The following CTNNA2 variants were observed in gnomAD, a reference collection of about 807,000 sequenced individuals.
CTNNA2 encodes the protein catenin alpha 2.
Under a neutral mutation model 101.0 loss-of-function variants are expected in CTNNA2, and 42 were observed. That is an observed-to-expected ratio of 0.42 (90% CI 0.32 to 0.54). The LOEUF (loss-of-function observed/expected upper bound fraction) is 0.54, where lower values mean the gene tolerates loss of function less well. Among genes scored for constraint, CTNNA2 ranks in the 20% least tolerant of loss-of-function variants. The pLI is 0.14. For synonymous variants in CTNNA2, 450 were observed against 456.4 expected, an observed-to-expected ratio of 0.99 and a Z score of 0.18; for missense variants, 871 against 1,223.1, an observed-to-expected ratio of 0.71 and a Z score of 4.29.
intron 7 of CTNNA2, among the ~76,000 whole-genome samples, chr2:79,942,895 T>G (rs1358064476): frequency 6.6e-6 from 1 of 152,172 alleles, no homozygotes; most frequent in Non-Finnish European, 1.5e-5. Context: ...GTTCCATTTA[T>G]GAATGTTAGT....
chr2:79,190,681 T>C (rs1249257140), intron 1 of CTNNA2, among the ~76,000 whole-genome samples: 2 of 151,998 alleles, frequency 1.3e-5, no homozygotes, highest in Non-Finnish European at 2.9e-5. Flanking sequence ...AGTGGGAAAA[T>C]GATGGCTTGA....
intron 7 of CTNNA2, among the ~76,000 whole-genome samples, chr2:80,022,691 A>G (rs527833715): frequency 1.3e-5 from 2 of 152,190 alleles, no homozygotes; most frequent in Non-Finnish European, 2.9e-5. Context: ...AGGAAACAAC[A>G]TGACAATGTT....
intron 4 of CTNNA2, among the ~76,000 whole-genome samples, chr2:79,440,281 T>A (rs1035644119): frequency 1.3e-5 from 2 of 152,110 alleles, no homozygotes; most frequent in African/African-American, 4.8e-5. Flanking sequence ...GAAGTGGATA[T>A]GGCAGTAACG....
At chr2:80,623,288 A>G (rs1433036586) in intron 18 of CTNNA2, among the ~76,000 whole-genome samples, 4 of 151,912 alleles carry the variant, frequency 2.6e-5, no homozygotes, top group Admixed American at 2.0e-4. Context: ...CACGTGAACT[A>G]GTAACTATGA....
chr2:79,910,227 C>A (rs1184186765), intron 7 of CTNNA2, among the ~76,000 whole-genome samples: 1 of 152,086 alleles, frequency 6.6e-6, no homozygotes, highest in Non-Finnish European at 1.5e-5. Flanking sequence ...AATAAATCTA[C>A]TAGGTTTAAA....
chr2:79,366,403 G>A (rs1677751761), intron 3 of CTNNA2, among the ~76,000 whole-genome samples: 1 of 152,170 alleles, frequency 6.6e-6, no homozygotes, highest in African/African-American at 2.4e-5. Flanking sequence ...TTCTGTGTTT[G>A]TGGGGCCTGT....
intron 12 of CTNNA2, among the ~76,000 whole-genome samples, chr2:80,567,756 A>G (rs144807450): frequency 6.6e-6 from 1 of 152,240 alleles, no homozygotes; most frequent in East Asian, 1.9e-4. Flanking sequence ...CAACTGTTAC[A>G]GTAGAGGCTC....
chr2:79,569,998 A>G (rs1250755219), intron 1 of CTNNA2, among the ~76,000 whole-genome samples: 1 of 152,160 alleles, frequency 6.6e-6, no homozygotes, highest in Non-Finnish European at 1.5e-5. Flanking sequence ...ATAGTACAAC[A>G]GCATTACCTT....
intron 7 of CTNNA2, among the ~76,000 whole-genome samples, chr2:80,367,064 C>T (rs960304908): frequency 6.6e-6 from 1 of 150,718 alleles, no homozygotes; most frequent in African/African-American, 2.4e-5. Flanking sequence ...ATCAGATACA[C>T]ATGTATCTCA....
chr2:79,765,851 G>C (rs1470517361), intron 3 of CTNNA2, among the ~76,000 whole-genome samples: 1 of 152,106 alleles, frequency 6.6e-6, no homozygotes, highest in African/African-American at 2.4e-5. Flanking sequence ...TGTTACTTGC[G>C]TACTCCCTCA....
intron 4 of CTNNA2, among the ~76,000 whole-genome samples, chr2:79,396,636 A>G (rs1678234922): frequency 6.6e-6 from 1 of 152,200 alleles, no homozygotes; most frequent in African/African-American, 2.4e-5. Flanking sequence ...CTCATTTGAA[A>G]TAATTCAGGA....
intron 4 of CTNNA2, among the ~76,000 whole-genome samples, chr2:79,468,735 C>T (rs1285847497): frequency 6.6e-6 from 1 of 152,150 alleles, no homozygotes; most frequent in African/African-American, 2.4e-5. Flanking sequence ...GCACTCAAAA[C>T]CACTCAACTA....
At chr2:79,190,465 G>C (rs1673838983) in intron 1 of CTNNA2, among the ~76,000 whole-genome samples, 1 of 151,962 alleles carries the variant, frequency 6.6e-6, no homozygotes, top group Non-Finnish European at 1.5e-5. Context: ...TCTTCTATTA[G>C]TTACATTCAT....
intron 12 of CTNNA2, 39 bp downstream of exon 12, chr2:80,555,932 C>G: frequency 2.3e-6 from 3 of 1,297,258 alleles, no homozygotes; most frequent in Non-Finnish European, 2.1e-6. Context: ...ATGTTAATGC[C>G]TTGATTAGTT....
chr2:79,897,245 T>C (rs1031667994), intron 6 of CTNNA2, among the ~76,000 whole-genome samples: 3 of 151,696 alleles, frequency 2.0e-5, no homozygotes, highest in Non-Finnish European at 4.4e-5. Context: ...TTACAGGCCA[T>C]GGGGAGCCGT....
chr2:79,385,399 A>C (rs1189387206), intron 4 of CTNNA2, among the ~76,000 whole-genome samples: 2 of 152,188 alleles, frequency 1.3e-5, no homozygotes, highest in Non-Finnish European at 2.9e-5. Flanking sequence ...ACTTGGATTA[A>C]ATGTTTATTT....
At chr2:79,818,634 A>T (rs952984905) in intron 3 of CTNNA2, among the ~76,000 whole-genome samples, 1 of 151,504 alleles carries the variant, frequency 6.6e-6, no homozygotes, top group Non-Finnish European at 1.5e-5. Context: ...CCTTTAAAAG[A>T]CTGTTAATGA....
At chr2:79,518,745 T>C (rs1671938514) in intron 1 of CTNNA2, among the ~76,000 whole-genome samples, 1 of 152,222 alleles carries the variant, frequency 6.6e-6, no homozygotes, top group African/African-American at 2.4e-5. Context: ...AGTAGCAATG[T>C]CCCTTAACTA....
chr2:79,545,835 TTATAA>T (rs1673697416), intron 1 of CTNNA2, among the ~76,000 whole-genome samples: 1 of 152,226 alleles, frequency 6.6e-6, no homozygotes, highest in South Asian at 2.1e-4. Context: ...GGAGCAATAC[TTATAA>T]TATGAATAAA....
Sources: allele counts gnomAD v4.1 joint callset (sites outside exome capture counted in the v4.1 genomes callset), GRCh38; gene constraint gnomAD v4.1.1; transcripts MANE v1.5; gene names NCBI Gene and HGNC (gene_info 2026-07-23, HGNC 2026-07-21).